Variants in FSTL4 observed in about 807,000 individuals in gnomAD.
FSTL4 encodes follistatin-related protein 4.
FSTL4 carries 28 observed loss-of-function variants against 78.2 expected under a neutral mutation model. That is an observed-to-expected ratio of 0.36 (90% CI 0.27 to 0.49). The LOEUF is 0.49. FSTL4 is among the 20% of genes least tolerant of loss of function. The pLI, the probability that FSTL4 is intolerant of heterozygous loss-of-function variation, is 0.98. For missense variants in FSTL4, 922 were observed against 1,084.9 expected (o/e 0.85, Z 2.11); for synonymous variants, 422 against 440.5 (o/e 0.96, Z 0.53).
At chr5:133,815,374 C>A in the FSTL4 span, among the ~76,000 whole-genome samples, 1 of 152,142 alleles carries the variant, frequency 6.6e-6, no homozygotes, top group Non-Finnish European at 1.5e-5. Flanking sequence ...AACTCAGGAC[C>A]TGAGGTCTGG....
intron 4 of FSTL4, among the ~76,000 whole-genome samples, chr5:133,322,102 C>T (rs933117472): frequency 1.3e-5 from 2 of 152,146 alleles, no homozygotes; most frequent in African/African-American, 4.8e-5. Context: ...AAGCCCCCTC[C>T]ATAGCTGGAA....
At chr5:133,596,521 C>T (rs1165127738) in intron 2 of FSTL4, among the ~76,000 whole-genome samples, 2 of 152,196 alleles carry the variant, frequency 1.3e-5, no homozygotes, top group African/African-American at 4.8e-5. Context: ...AGTATTTTAA[C>T]AAAAGCAACA....
chr5:133,414,353 C>A (rs1756535607), intron 3 of FSTL4, among the ~76,000 whole-genome samples: 4 of 152,182 alleles, frequency 2.6e-5, no homozygotes, highest in Admixed American at 6.5e-5. Context: ...CACCCTTACA[C>A]TGCAGATATA....
At chr5:133,820,810 A>G in the FSTL4 span, among the ~76,000 whole-genome samples, 3 of 152,242 alleles carry the variant, frequency 2.0e-5, no homozygotes, top group African/African-American at 7.2e-5. Context: ...GAACCAAGAC[A>G]TGTAATATCT....
At chr5:133,353,167 C>T (rs1754866754) in intron 4 of FSTL4, among the ~76,000 whole-genome samples, 2 of 152,184 alleles carry the variant, frequency 1.3e-5, no homozygotes, top group East Asian at 1.9e-4. Flanking sequence ...ACTTCCCCTA[C>T]CCCCTTTACA....
At chr5:133,736,877 C>T in the FSTL4 span, among the ~76,000 whole-genome samples, 186 of 152,082 alleles carry the variant, frequency 1.2e-3, 2 homozygotes, top group East Asian at 0.022. Context: ...CTGTGGGAGA[C>T]GTGTGCATTC....
chr5:133,265,420 G>C (rs1752621845), intron 6 of FSTL4, among the ~76,000 whole-genome samples: 1 of 152,156 alleles, frequency 6.6e-6, no homozygotes, highest in African/African-American at 2.4e-5. Flanking sequence ...AAAGTTCCAG[G>C]CTTTAGTGAC....
At chr5:133,582,368 T>C (rs547321717) in intron 2 of FSTL4, among the ~76,000 whole-genome samples, 39 of 152,154 alleles carry the variant, frequency 2.6e-4, no homozygotes, top group African/African-American at 8.9e-4. Context: ...TGAGGTAGGG[T>C]AGTGTCTATG....
At chr5:133,483,230 T>C (rs549393870) in intron 3 of FSTL4, among the ~76,000 whole-genome samples, 2 of 152,352 alleles carry the variant, frequency 1.3e-5, no homozygotes, top group Admixed American at 6.5e-5. Context: ...TCCCCAGCCA[T>C]GTGGAACTAA....
chr5:133,651,991 T>C, the FSTL4 span, among the ~76,000 whole-genome samples: 10 of 152,170 alleles, frequency 6.6e-5, no homozygotes, highest in African/African-American at 4.8e-5. Flanking sequence ...GCAAATTGTA[T>C]TTTTCAAGGA....
At chr5:133,818,976 C>G in the FSTL4 span, among the ~76,000 whole-genome samples, 1 of 103,374 alleles carries the variant, frequency 9.7e-6, no homozygotes, top group Non-Finnish European at 2.0e-5. Context: ...CGCATGCACA[C>G]ACACACAATT....
the FSTL4 span, among the ~76,000 whole-genome samples, chr5:133,715,624 G>A: frequency 6.6e-6 from 1 of 152,172 alleles, no homozygotes; most frequent in Non-Finnish European, 1.5e-5. Context: ...ACCTGGGCCA[G>A]AGCTCTTAAA....
rs1254927136 is a variant in FSTL4, at chr5:133,249,471, G to A, written c.833C>T (p.Pro278Leu). Residue 278 changes from proline to leucine, a missense_variant, in exon 7 of 16, where the codon CCA becomes CTA. Coordinates refer to ENST00000265342, the MANE Select transcript of FSTL4 (RefSeq NM_015082.2). ...LTCAVHGDLRPPIIWKRNGLT... is the reference protein window; with the variant it reads ...LTCAVHGDLRLPIIWKRNGLT... ...CCCGTTGCGCTTCCAGATGATTGGT[G>A]GCCTCAGGTCTCCATGGACGGCGCA... is the stretch of plus-strand genomic sequence containing the variant. 2 of 1,613,804 alleles carry A rather than the reference G, an allele frequency of 1.2e-6. No individual in the cohort carries two copies. The highest frequency in any genetic ancestry group is 2.2e-5 in the South Asian group (2 of 91,068).
At chr5:133,546,376 C>T (rs532616533) in intron 3 of FSTL4, among the ~76,000 whole-genome samples, 27 of 151,922 alleles carry the variant, frequency 1.8e-4, no homozygotes, top group South Asian at 2.1e-4. Context: ...CGTGGTGGCA[C>T]GTGCCTGTAA....
the FSTL4 span, among the ~76,000 whole-genome samples, chr5:133,777,782 A>C: frequency 6.6e-6 from 1 of 152,244 alleles, no homozygotes; most frequent in Non-Finnish European, 1.5e-5. Flanking sequence ...TAATATGGCT[A>C]TTCCACCACT....
chr5:133,404,203 T>C (rs1003398052), intron 3 of FSTL4, among the ~76,000 whole-genome samples: 2 of 152,182 alleles, frequency 1.3e-5, no homozygotes, highest in Admixed American at 1.3e-4. Context: ...AGGCCCAGAA[T>C]CTGATCCACA....
chr5:133,417,201 C>T (rs1455393521), intron 3 of FSTL4, among the ~76,000 whole-genome samples: 1 of 152,016 alleles, frequency 6.6e-6, no homozygotes, highest in Non-Finnish European at 1.5e-5. Flanking sequence ...TTTAGTAGAA[C>T]TGATATATAC....
At chr5:133,815,062 T>C in the FSTL4 span, among the ~76,000 whole-genome samples, 1 of 152,148 alleles carries the variant, frequency 6.6e-6, no homozygotes, top group African/African-American at 2.4e-5. Flanking sequence ...CAATATGTGA[T>C]TTTGTGGTAC....
At chr5:133,502,352 A>G (rs1224290892) in intron 3 of FSTL4, among the ~76,000 whole-genome samples, 1 of 152,196 alleles carries the variant, frequency 6.6e-6, no homozygotes, top group African/African-American at 2.4e-5. Context: ...GCCACTGCCA[A>G]TTTGAAGATG....
Sources: gnomAD v4.1 joint callset for allele counts (sites outside exome capture counted in the v4.1 genomes callset) on GRCh38, gnomAD v4.1.1 for gene constraint, MANE v1.5 for transcripts, NCBI Gene and HGNC (gene_info 2026-07-23, HGNC 2026-07-21) for gene names.